The following TCERG1L variants were observed in gnomAD, a reference collection of about 807,000 sequenced individuals.
TCERG1L encodes the protein transcription elongation regulator 1-like protein.
In TCERG1L, 37 loss-of-function variants were observed where a neutral mutation model predicts 56.3. The observed-to-expected ratio is 0.66, with a 90% CI of 0.51 to 0.87. The LOEUF (loss-of-function observed/expected upper bound fraction) is 0.87, where lower values mean the gene tolerates loss of function less well. Ranked by LOEUF, TCERG1L falls within the 40% of genes least tolerant of loss-of-function variation. The pLI is 0.00. For synonymous variants in TCERG1L, 324 were observed against 326.3 expected (o/e 0.99, Z 0.08); for missense variants, 799 against 774.2 (o/e 1.03, Z -0.38).
At chr10:131,106,435 G>C (rs976365320) in intron 9 of TCERG1L, among the ~76,000 whole-genome samples, 3 of 152,330 alleles carry the variant, frequency 2.0e-5, no homozygotes, top group African/African-American at 7.2e-5. Context: ...TCACAAAGGA[G>C]CCTTGGGGGG....
chr10:131,231,910 T>C (rs1401090037), intron 4 of TCERG1L, among the ~76,000 whole-genome samples: 1 of 152,160 alleles, frequency 6.6e-6, no homozygotes, highest in African/African-American at 2.4e-5. Context: ...TGAGGGTTCC[T>C]GCTGAGCGGG....
At chr10:131,213,831 G>A (rs1845641567) in intron 4 of TCERG1L, among the ~76,000 whole-genome samples, 1 of 152,186 alleles carries the variant, frequency 6.6e-6, no homozygotes. Context: ...TTCAGGAACT[G>A]GGAGAACACG....
intron 3 of TCERG1L, among the ~76,000 whole-genome samples, chr10:131,293,104 G>T (rs188369712): frequency 1.4e-3 from 209 of 152,242 alleles, no homozygotes; most frequent in Middle Eastern, 6.8e-3. Context: ...GCTTGCCTCG[G>T]CCTCCCAAAG....
chr10:131,302,734 C>G (rs189229998), intron 3 of TCERG1L, among the ~76,000 whole-genome samples: 1 of 151,646 alleles, frequency 6.6e-6, no homozygotes, highest in Admixed American at 6.6e-5. Context: ...CCCATCAACC[C>G]ATCATCTACA....
chr10:131,129,440 C>T (rs527259993), intron 8 of TCERG1L, among the ~76,000 whole-genome samples: 36 of 152,286 alleles, frequency 2.4e-4, no homozygotes, highest in Middle Eastern at 3.4e-3. Context: ...AAAACGCTGG[C>T]GTTGAGCTGA....
In TCERG1L at chr10:131,291,065, C is replaced by G. The variant is rs1036691696; in HGVS notation, c.670+17146G>C. On this transcript the variant is annotated intron_variant, in intron 3 of 11. Transcript: ENST00000368642. Reference sequence around the variant, plus strand: ...TCTGTGCTAATTTAAGGAGAACATTCCACTTGGTGGTTTAAATTTACATTC... The same window carrying G: ...TCTGTGCTAATTTAAGGAGAACATTGCACTTGGTGGTTTAAATTTACATTC... Among the ~76,000 whole-genome samples, 39 of 152,150 alleles carry G rather than the reference C, an allele frequency of 2.6e-4. 1 individual carries two copies. Among genetic ancestry groups the G allele is most frequent in the African/African-American group, 8.2e-4 (34 of 41,432 alleles).
At chr10:131,227,195 T>C (rs1395219888) in intron 4 of TCERG1L, among the ~76,000 whole-genome samples, 3 of 152,258 alleles carry the variant, frequency 2.0e-5, no homozygotes, top group Non-Finnish European at 4.4e-5. Context: ...CAGCCACCAT[T>C]GGAAGTGACC....
intron 4 of TCERG1L, among the ~76,000 whole-genome samples, chr10:131,217,891 T>A (rs1418150274): frequency 6.6e-6 from 1 of 151,982 alleles, no homozygotes; most frequent in Non-Finnish European, 1.5e-5. Flanking sequence ...CCGGCTAATT[T>A]TTTTTTGTAT....
chr10:131,135,792 C>T (rs1845669821), intron 7 of TCERG1L, among the ~76,000 whole-genome samples: 2 of 152,238 alleles, frequency 1.3e-5, no homozygotes, highest in African/African-American at 4.8e-5. Context: ...ATCATGCACA[C>T]CCTGTGTGGG....
chr10:131,182,659 T>C (rs906190587), intron 4 of TCERG1L, among the ~76,000 whole-genome samples: 3 of 152,338 alleles, frequency 2.0e-5, no homozygotes, highest in Admixed American at 6.5e-5. Context: ...CACCCTGCTT[T>C]AGCATTTGCG....
At chr10:131,201,682 G>A (rs1424138028) in intron 4 of TCERG1L, among the ~76,000 whole-genome samples, 1 of 152,224 alleles carries the variant, frequency 6.6e-6, no homozygotes, top group Non-Finnish European at 1.5e-5. Context: ...TGCTGCTGCT[G>A]TTGGGCATTT....
intron 4 of TCERG1L, among the ~76,000 whole-genome samples, chr10:131,195,776 T>C (rs976709064): frequency 4.6e-5 from 7 of 152,198 alleles, no homozygotes; most frequent in Non-Finnish European, 8.8e-5. Context: ...TGGCCGGCCA[T>C]GCTCAAGCAT....
rs139069876 is a variant in TCERG1L at position 131,246,696 on chromosome 10, G to A, written c.856+13563C>T. Among the ~76,000 whole-genome samples, 544 of 151,238 alleles carry A rather than the reference G, an allele frequency of 3.6e-3. 5 individuals carry two copies. Among genetic ancestry groups the A allele is most frequent in the African/African-American group, 0.011 (460 of 41,348 alleles). On this transcript the variant is annotated intron_variant, in intron 4 of 11. Transcript: ENST00000368642. ...GAACTCCGGGATGACTCAGGGATGC[G>A]GCAGAAGTCCGTAGCAAAGGAGCTT...
chr10:131,152,889 G>A (rs10829928), intron 6 of TCERG1L, among the ~76,000 whole-genome samples: 31,132 of 152,112 alleles, frequency 0.2, 3,580 homozygotes, highest in South Asian at 0.37. Flanking sequence ...GACGCTTATA[G>A]AACCATCAGA....
intron 4 of TCERG1L, among the ~76,000 whole-genome samples, chr10:131,202,091 A>G (rs1211544781): frequency 2.6e-5 from 4 of 152,192 alleles, no homozygotes; most frequent in Admixed American, 2.0e-4. Flanking sequence ...ATTTATATTA[A>G]TCCATTTCTT....
intron 4 of TCERG1L, among the ~76,000 whole-genome samples, chr10:131,205,850 C>T (rs186143814): frequency 6.6e-6 from 1 of 152,266 alleles, no homozygotes; most frequent in Admixed American, 6.5e-5. Context: ...TGTGGGAGCC[C>T]CTGGGATGGA....
At chr10:131,241,390 A>C (rs757285842) in intron 4 of TCERG1L, among the ~76,000 whole-genome samples, 10 of 151,982 alleles carry the variant, frequency 6.6e-5, no homozygotes, top group Non-Finnish European at 1.5e-4. Flanking sequence ...ACCTGTGGAC[A>C]GGAGCTCCAG....
At chr10:131,227,473 C>A (rs1003905162) in intron 4 of TCERG1L, among the ~76,000 whole-genome samples, 1 of 152,184 alleles carries the variant, frequency 6.6e-6, no homozygotes, top group Non-Finnish European at 1.5e-5. Context: ...GGGAGAAGAG[C>A]CACCGCCTCC....
rs957429340 is a variant in TCERG1L, at chr10:131,267,551, C to T, written c.671-7107G>A. On this transcript the variant is annotated intron_variant, in intron 3 of 11. Coordinates refer to ENST00000368642, the MANE Select transcript of TCERG1L (RefSeq NM_174937.4). The surrounding 1 kb of genome is among the most constrained non-coding windows in gnomAD (Gnocchi z 4.9). The stretch of plus-strand genomic sequence containing the variant: ...GTGCCCTTCTCTGCGTCTCCCTCTG[C>T]CGCAGTGGTGGCCCTTGCACAAGTG... 6.6e-6 allele frequency among the ~76,000 whole-genome samples: 1 copy of T among 152,216 alleles called. No individual in the cohort carries two copies. Among genetic ancestry groups the T allele is most frequent in the Non-Finnish European group, 1.5e-5 (1 of 68,046 alleles).
Sources: allele counts gnomAD v4.1 joint callset (sites outside exome capture counted in the v4.1 genomes callset), GRCh38; gene constraint gnomAD v4.1.1; non-coding constraint Gnocchi (gnomAD v3.1); transcripts MANE v1.5; gene names NCBI Gene and HGNC (gene_info 2026-07-23, HGNC 2026-07-21).